The following TNRC6B variants were observed in gnomAD, a reference collection of about 807,000 sequenced individuals.
TNRC6B encodes the protein trinucleotide repeat-containing gene 6B protein.
A neutral mutation model predicts 203.6 loss-of-function variants in TNRC6B; 52 were observed. The ratio of observed to expected loss-of-function variants is 0.26; its 90% CI spans 0.20 to 0.32. TNRC6B has a LOEUF of 0.32. Ranked by LOEUF, TNRC6B falls within the 10% of genes least tolerant of loss-of-function variation. The probability of loss-of-function intolerance (pLI) is 1.00; values close to 1 mark genes in which losing one functional copy is unlikely to be tolerated. For synonymous variants in TNRC6B, 838 were observed against 845.7 expected (o/e 0.99, Z 0.16); for missense variants, 1,923 against 2,286.2 (o/e 0.84, Z 3.24).
intron 1 of TNRC6B, among the ~76,000 whole-genome samples, chr22:40,204,402 A>T (rs1247589725): frequency 6.6e-6 from 1 of 152,210 alleles, no homozygotes; most frequent in African/African-American, 2.4e-5. Flanking sequence ...AGCCAGGGCC[A>T]GTCATTCCAG....
intron 1 of TNRC6B, among the ~76,000 whole-genome samples, chr22:40,197,679 G>A (rs1403224455): frequency 6.7e-6 from 1 of 150,030 alleles, no homozygotes; most frequent in Non-Finnish European, 1.5e-5. Flanking sequence ...TCATAGTTCA[G>A]TGCAGCCTCG....
In TNRC6B at chr22:40,330,609, A is replaced by G. The variant is rs1471445137; in HGVS notation, c.*7368A>G. ...ACCAAGTGATGCATTTTAGCATGAC[A>G]CTTCTTGCCAGAAATTTTGGGATAA... On this transcript the variant is annotated 3_prime_UTR_variant, in exon 23 of 23. Coordinates refer to ENST00000454349, the MANE Select transcript of TNRC6B (RefSeq NM_001162501.2). 1.3e-5 allele frequency: 2 copies of G among 152,688 alleles called. No homozygotes were observed. Among genetic ancestry groups the G allele is most frequent in the African/African-American group, 2.4e-5 (1 of 41,470 alleles). The allele number at this position is 152,688 out of a possible 1,614,324, so 9.5% of individuals were successfully genotyped here. A position where few individuals can be genotyped will look rare whatever the true frequency, so the allele number is the denominator to read the frequency against.
At chr22:40,249,709 T>A (rs2070159182) in intron 2 of TNRC6B, among the ~76,000 whole-genome samples, 1 of 152,344 alleles carries the variant, frequency 6.6e-6, no homozygotes, top group Non-Finnish European at 1.5e-5. Context: ...TACAATGATA[T>A]AAAACCTAAA....
intron 1 of TNRC6B, among the ~76,000 whole-genome samples, chr22:40,238,753 T>C (rs1239625605): frequency 6.6e-6 from 1 of 152,232 alleles, no homozygotes; most frequent in Non-Finnish European, 1.5e-5. Flanking sequence ...GTGAACTGTC[T>C]TCTCCTGAGC....
intron 1 of TNRC6B, among the ~76,000 whole-genome samples, chr22:40,072,256 A>C (rs959145826): frequency 6.6e-6 from 1 of 152,230 alleles, no homozygotes. Context: ...GGAGTCAAAA[A>C]CAGCATATAA....
Position 40,260,146 on chromosome 22 carries a change from A to T in TNRC6B, c.116-1686A>T, listed in dbSNP as rs1271881057. Among the ~76,000 whole-genome samples, 4 of 152,334 alleles carry T rather than the reference A, an allele frequency of 2.6e-5. No individual in the cohort carries two copies. The South Asian group carries it at 8.3e-4, about 32-fold the overall frequency. ...AAAAAAATCAAATGATTTAAAGTAA[A>T]CAGAAAAAGTATTTACATTTTGAAA... On this transcript the variant is annotated intron_variant, in intron 3 of 22. Transcript: ENST00000454349.
intron 1 of TNRC6B, among the ~76,000 whole-genome samples, chr22:40,067,450 G>C (rs1190023535): frequency 3.9e-5 from 6 of 152,108 alleles, no homozygotes; most frequent in Non-Finnish European, 8.8e-5. Context: ...ATACATGAGA[G>C]AGGATTTAGT....
intron 1 of TNRC6B, among the ~76,000 whole-genome samples, chr22:40,195,213 A>G (rs1476120213): frequency 4.6e-5 from 7 of 152,208 alleles, no homozygotes; most frequent in Admixed American, 1.3e-4. Context: ...AACAAATTAT[A>G]ATGGTTTTAA....
At chr22:40,113,383 C>G (rs1480087119) in intron 1 of TNRC6B, among the ~76,000 whole-genome samples, 1 of 152,196 alleles carries the variant, frequency 6.6e-6, no homozygotes, top group Non-Finnish European at 1.5e-5. Flanking sequence ...GAGACAAGGT[C>G]TGGCTCTGTT....
intron 12 of TNRC6B, among the ~76,000 whole-genome samples, chr22:40,298,780 C>T (rs1458789556): frequency 1.3e-5 from 2 of 151,880 alleles, no homozygotes; most frequent in East Asian, 3.9e-4. Flanking sequence ...TCCTGGCTAA[C>T]ACGGTGAAAC....
intron 1 of TNRC6B, among the ~76,000 whole-genome samples, chr22:40,211,013 C>G (rs2069554395): frequency 6.6e-6 from 1 of 152,134 alleles, no homozygotes; most frequent in African/African-American, 2.4e-5. Context: ...TGCTGAAAAC[C>G]ACTGTCTTAC....
intron 1 of TNRC6B, among the ~76,000 whole-genome samples, chr22:40,089,139 T>C (rs962545131): frequency 2.6e-5 from 4 of 152,204 alleles, no homozygotes; most frequent in African/African-American, 4.8e-5. Flanking sequence ...TTCCACTGTT[T>C]TGAGATCCAG....
At chr22:40,247,740 G>C (rs556548007) in intron 2 of TNRC6B, among the ~76,000 whole-genome samples, 1 of 152,274 alleles carries the variant, frequency 6.6e-6, no homozygotes, top group South Asian at 2.1e-4. Context: ...GAGTTTGTTA[G>C]AATTGCCTAA....
At chr22:40,202,840 G>A (rs1459214661) in intron 1 of TNRC6B, among the ~76,000 whole-genome samples, 1 of 152,080 alleles carries the variant, frequency 6.6e-6, no homozygotes, top group East Asian at 1.9e-4. Context: ...GCACTACTGG[G>A]TATCTCCAAA....
At chr22:40,241,873 A>G (rs944194961) in intron 1 of TNRC6B, among the ~76,000 whole-genome samples, 1 of 152,180 alleles carries the variant, frequency 6.6e-6, no homozygotes, top group African/African-American at 2.4e-5. Flanking sequence ...GTCTCTTACT[A>G]TAATTACTTA....
chr22:40,281,530 T>G (rs2070721321), intron 11 of TNRC6B, among the ~76,000 whole-genome samples: 1 of 152,066 alleles, frequency 6.6e-6, no homozygotes, highest in Non-Finnish European at 1.5e-5. Flanking sequence ...TGATCATAAG[T>G]TCATATTTAA....
intron 12 of TNRC6B, among the ~76,000 whole-genome samples, chr22:40,287,066 T>G (rs909380079): frequency 2.0e-5 from 3 of 152,136 alleles, no homozygotes; most frequent in Non-Finnish European, 4.4e-5. Flanking sequence ...TGGAGTGCAG[T>G]GGTGTGATCC....
intron 1 of TNRC6B, among the ~76,000 whole-genome samples, chr22:40,245,505 C>A (rs1355919206): frequency 6.6e-6 from 1 of 151,678 alleles, no homozygotes; most frequent in African/African-American, 2.4e-5. Flanking sequence ...AGTATTAATA[C>A]ATATAGAGAA....
chr22:40,255,429 C>G (rs997570621), intron 3 of TNRC6B, among the ~76,000 whole-genome samples: 2 of 152,120 alleles, frequency 1.3e-5, no homozygotes, highest in African/African-American at 4.8e-5. Context: ...AACCTTGAGT[C>G]TACTCTCATT....
Sources: gnomAD v4.1 joint callset for allele counts (sites outside exome capture counted in the v4.1 genomes callset) on GRCh38, gnomAD v4.1.1 for gene constraint, MANE v1.5 for transcripts, NCBI Gene and HGNC (gene_info 2026-07-23, HGNC 2026-07-21) for gene names.